Variants in ITGAV observed in about 807,000 individuals in gnomAD.
The protein encoded by ITGAV is integrin subunit alpha V.
In ITGAV, 76 loss-of-function variants were observed where a neutral mutation model predicts 143.8. That is an observed-to-expected ratio of 0.53 (90% CI 0.44 to 0.64). The LOEUF (loss-of-function observed/expected upper bound fraction) is 0.64, where lower values mean the gene tolerates loss of function less well. ITGAV is among the 30% of genes least tolerant of loss of function. ITGAV has a pLI of 0.00. For missense variants in ITGAV, 1,193 were observed against 1,274.7 expected, an observed-to-expected ratio of 0.94 and a Z score of 0.98; for synonymous variants, 453 against 446.7, an observed-to-expected ratio of 1.01 and a Z score of -0.18.
intron 22 of ITGAV, 131 bp downstream of exon 22, chr2:186,666,914 A>G (rs1178706441): frequency 1.2e-5 from 7 of 561,792 alleles, no homozygotes; most frequent in African/African-American, 3.8e-5. Context: ...TTTTAAAATC[A>G]ATATTTACAT....
intron 2 of ITGAV, among the ~76,000 whole-genome samples, chr2:186,612,676 A>G (rs1687247922): frequency 6.6e-6 from 1 of 152,178 alleles, no homozygotes; most frequent in African/African-American, 2.4e-5. Flanking sequence ...TAGCTTCTGC[A>G]GTACAATTTC....
At position 186,622,353 on chromosome 2, in the gene ITGAV, G is replaced by C; in HGVS notation, c.331G>C (p.Ala111Pro). The C allele has an allele frequency of 6.2e-7, 1 of 1,611,288 alleles. No homozygotes were observed. The highest frequency in any genetic ancestry group is 8.5e-7 in the Non-Finnish European group (1 of 1,177,506). ...TTCTTTTTTAGGCAATAGAGATTAT[G>C]CCAAGGATGATCCATTGGAATTTAA... ...EFDATGNRDYAKDDPLEFKSH... is the reference protein window; with the variant it reads ...EFDATGNRDYPKDDPLEFKSH... The change falls in exon 3 of 30, where the codon GCC becomes CCC. Residue 111 changes from alanine (A) to proline (P), a missense_variant. Physicochemically the swap from Ala to Pro is conservative, Grantham distance 27. Transcript: ENST00000261023.
At position 186,646,709 on chromosome 2, in the gene ITGAV, G is replaced by A. The variant is rs901609668; in HGVS notation, c.1183G>A (p.Gly395Arg). 4 of 1,597,076 alleles carry A rather than the reference G, an allele frequency of 2.5e-6. No individual in the cohort carries two copies. Among genetic ancestry groups the A allele is most frequent in the Non-Finnish European group, 3.4e-6 (4 of 1,168,842 alleles). Residue 395 changes from glycine (G) to arginine (R), a missense_variant, in exon 13 of 30, where the codon GGG becomes AGG. By Grantham distance (125) the Gly-to-Arg change is moderately radical. Transcript: ENST00000261023. ...AGATATTGCAATTGCTGCTCCATAT[G>A]GGGGTGAAGATAAAAAAGGAATTGT... ...FNDIAIAAPY[G>R]GEDKKGIVYI...
rs577791802 is a variant in ITGAV, at chr2:186,615,357, T to G, written c.317-6982T>G. On this transcript the variant is annotated intron_variant, in intron 2 of 29. Coordinates refer to ENST00000261023, the MANE Select transcript of ITGAV (RefSeq NM_002210.5). Reference sequence around the variant, plus strand: ...TGCTGCGTCATATGGTAATCTATATTTACCTTTTTTAAAAACTGTCAAACT... The same window carrying G: ...TGCTGCGTCATATGGTAATCTATATGTACCTTTTTTAAAAACTGTCAAACT... Among the ~76,000 whole-genome samples, 8 of 152,278 alleles carry G rather than the reference T, an allele frequency of 5.3e-5. No individual in the cohort carries two copies. In the South Asian group the frequency reaches 1.7e-3, roughly 32 times the overall value.
At position 186,641,490 on chromosome 2, in the gene ITGAV, G is replaced by C. The variant is rs1688101954; in HGVS notation, c.1061G>C (p.Gly354Ala). 1 of 1,614,056 alleles carries C rather than the reference G, an allele frequency of 6.2e-7. No individual in the cohort carries two copies. Residue 354 changes from glycine (G) to alanine (A), a missense_variant, in exon 12 of 30, where the codon GGA (glycine) becomes GCA (alanine). By Grantham distance (60) the Gly-to-Ala change is moderately conservative (BLOSUM62 0). Coordinates refer to ENST00000261023, the MANE Select transcript of ITGAV (RefSeq NM_002210.5). Reference protein sequence around the residue: ...QVSVSLQRASGDFQTTKLNGF... With the variant: ...QVSVSLQRASADFQTTKLNGF... ...TCAGTGTCTCTACAGAGAGCTTCAG[G>C]AGACTTCCAGACGACAAAGCTGAAT...
At chr2:186,664,434 G>A (rs1688830262) in intron 19 of ITGAV, 60 bp from the exon 20 acceptor site, 2 of 1,515,618 alleles carry the variant, frequency 1.3e-6, no homozygotes, top group Admixed American at 1.7e-5. Context: ...TCTTTGAACA[G>A]TCATACTTTC....
rs1686575925 is a variant in ITGAV, at chr2:186,590,323, C to T, written c.-16C>T. On this transcript the variant is annotated 5_prime_UTR_variant, in exon 1 of 30. Coordinates refer to ENST00000261023, the MANE Select transcript of ITGAV (RefSeq NM_002210.5). ...GGCTACCGCTCCCGGCTTGGCGTCC[C>T]GCGCGCACTTCGGCGATGGCTTTTC... The T allele has an allele frequency of 5.1e-6, 8 of 1,562,398 alleles. No homozygotes were observed. The highest frequency in any genetic ancestry group is 1.2e-5 in the South Asian group (1 of 85,850).
At chr2:186,628,184 C>T (rs1687725374) in intron 4 of ITGAV, among the ~76,000 whole-genome samples, 2 of 152,154 alleles carry the variant, frequency 1.3e-5, no homozygotes, top group African/African-American at 2.4e-5. Context: ...TTTCATACTT[C>T]AATAAATTAT....
intron 12 of ITGAV, among the ~76,000 whole-genome samples, chr2:186,642,498 G>A (rs529630663): frequency 7.3e-5 from 11 of 150,682 alleles, no homozygotes; most frequent in Non-Finnish European, 8.9e-5. Flanking sequence ...AAGATTAACC[G>A]TAGTCATTTC....
chr2:186,597,915 G>A (rs1220786502), intron 1 of ITGAV, among the ~76,000 whole-genome samples: 1 of 152,200 alleles, frequency 6.6e-6, no homozygotes, highest in Non-Finnish European at 1.5e-5. Context: ...TCCAGGGAAG[G>A]AAAGGTTGGG....
At chr2:186,600,463 A>G (rs747569781) in intron 1 of ITGAV, 71 of 1,516,698 alleles carry the variant, frequency 4.7e-5, no homozygotes, top group Admixed American at 5.9e-5. Context: ...TGATTTCCTT[A>G]GAGAGACTTT....
At chr2:186,604,160 C>T (rs977715913) in intron 2 of ITGAV, among the ~76,000 whole-genome samples, 17 of 152,038 alleles carry the variant, frequency 1.1e-4, no homozygotes, top group African/African-American at 4.1e-4. Context: ...GTTTGGCCCA[C>T]TGTGCCCAGC....
At chr2:186,612,904 G>T (rs1278964849) in intron 2 of ITGAV, among the ~76,000 whole-genome samples, 1 of 152,108 alleles carries the variant, frequency 6.6e-6, no homozygotes, top group Non-Finnish European at 1.5e-5. Flanking sequence ...AAATAAAAAT[G>T]TTTCTCCTGA....
At position 186,614,115 on chromosome 2, in the gene ITGAV, A is replaced by G. The variant is rs1362043744; in HGVS notation, c.317-8224A>G. On this transcript the variant is annotated intron_variant, in intron 2 of 29. Transcript: ENST00000261023. ...GGAGCTTCAAACTAAGCTTTTGTATATGAGGATTGAAGGATATTTATCCAC... is the reference window on the plus strand; with the variant it reads ...GGAGCTTCAAACTAAGCTTTTGTATGTGAGGATTGAAGGATATTTATCCAC... 2.6e-5 allele frequency among the ~76,000 whole-genome samples: 4 copies of G among 152,108 alleles called. No individual in the cohort carries two copies. In the East Asian group the frequency reaches 5.8e-4, roughly 22 times the overall value.
At chr2:186,609,220 T>C (rs1396424747) in intron 2 of ITGAV, among the ~76,000 whole-genome samples, 3 of 152,178 alleles carry the variant, frequency 2.0e-5, no homozygotes, top group Non-Finnish European at 4.4e-5. Flanking sequence ...CCTTTTTATC[T>C]GTTGGGCTAA....
intron 14 of ITGAV, 59 bp from the exon 15 acceptor site, chr2:186,651,923 C>A (rs1193894206): frequency 1.0e-6 from 1 of 992,128 alleles, no homozygotes; most frequent in East Asian, 2.6e-5. Context: ...AAAAATATTT[C>A]AATCAACCTA....
At chr2:186,596,031 T>G (rs1686740910) in intron 1 of ITGAV, among the ~76,000 whole-genome samples, 1 of 152,222 alleles carries the variant, frequency 6.6e-6, no homozygotes, top group Non-Finnish European at 1.5e-5. Flanking sequence ...CATTTTCTAC[T>G]CTTCTAGGGA....
intron 22 of ITGAV, 114 bp from the exon 23 acceptor site, chr2:186,667,036 G>A (rs1383841013): frequency 4.5e-6 from 3 of 661,508 alleles, no homozygotes; most frequent in East Asian, 5.7e-5. Flanking sequence ...CTATTTTGAG[G>A]TATAAGCTTT....
At chr2:186,611,002 C>G (rs1190371539) in intron 2 of ITGAV, among the ~76,000 whole-genome samples, 1 of 152,100 alleles carries the variant, frequency 6.6e-6, no homozygotes, top group Non-Finnish European at 1.5e-5. Flanking sequence ...GGTCAGATGT[C>G]CAAAATGGAT....
Sources: allele counts gnomAD v4.1 joint callset (sites outside exome capture counted in the v4.1 genomes callset), GRCh38; gene constraint gnomAD v4.1.1; transcripts MANE v1.5; gene names NCBI Gene and HGNC (gene_info 2026-07-23, HGNC 2026-07-21).